FGF13: variants seen among roughly 807,000 people sequenced by gnomAD.
The protein encoded by FGF13 is fibroblast growth factor homologous factor 2.
A neutral mutation model predicts 19.5 loss-of-function variants in FGF13; 2 were observed. That is an observed-to-expected ratio of 0.10 (90% CI 0.04 to 0.32). The LOEUF is 0.32. FGF13 is among the 10% of genes least tolerant of loss of function. FGF13 has a pLI of 1.00. For synonymous variants in FGF13, 72 were observed against 76.9 expected (o/e 0.94, Z 0.33); for missense variants, 113 against 192.7 (o/e 0.59, Z 2.45).
At chrX:139,010,064 C>T (rs2092121451) in intron 1 of FGF13, among the ~76,000 whole-genome samples, 1 of 111,776 alleles carries the variant, frequency 8.9e-6, no homozygotes, top group African/African-American at 3.3e-5. Context: ...TAAAGAGGAA[C>T]ATTATATAAT....
intron 3 of FGF13, among the ~76,000 whole-genome samples, chrX:138,771,218 C>G (rs746526317): frequency 8.9e-6 from 1 of 111,831 alleles, no homozygotes; most frequent in Non-Finnish European, 1.9e-5. Context: ...CAGCTGATAA[C>G]CCATTCACCA....
chrX:138,993,328 C>T (rs753263941), intron 1 of FGF13, among the ~76,000 whole-genome samples: 2 of 111,559 alleles, frequency 1.8e-5, no homozygotes, highest in Non-Finnish European at 3.8e-5. Context: ...AATAATTATA[C>T]TATGGGAATA....
intron 3 of FGF13, chrX:138,806,351 G>A (rs1241153029): frequency 8.9e-6 from 1 of 111,790 alleles, no homozygotes; most frequent in Non-Finnish European, 1.9e-5. Context: ...TGCGTGCCAG[G>A]TGGCCCATCC....
At chrX:138,649,047 G>C (rs1200816630) in intron 3 of FGF13, among the ~76,000 whole-genome samples, 1 of 111,032 alleles carries the variant, frequency 9.0e-6, no homozygotes, top group Non-Finnish European at 1.9e-5. Flanking sequence ...ATAATCAAGG[G>C]GGCTAAAACT....
intron 1 of FGF13, among the ~76,000 whole-genome samples, chrX:138,913,624 G>C (rs1184116406): frequency 1.0e-5 from 1 of 97,484 alleles, no homozygotes; most frequent in African/African-American, 3.8e-5. Context: ...GAGGGAGGGA[G>C]GGAAGGAGGG....
At chrX:138,645,685 G>A (rs906279253) in intron 3 of FGF13, among the ~76,000 whole-genome samples, 3 of 111,991 alleles carry the variant, frequency 2.7e-5, no homozygotes, top group Non-Finnish European at 5.6e-5. Flanking sequence ...CTTGAAATTG[G>A]TATAAAAACT....
At chrX:138,965,861 G>A (rs1269826948) in intron 1 of FGF13, among the ~76,000 whole-genome samples, 4 of 111,759 alleles carry the variant, frequency 3.6e-5, no homozygotes, top group Admixed American at 2.8e-4. Flanking sequence ...GAGTGGTAAA[G>A]AAAATGTTTT....
chrX:138,759,797 T>A (rs988038116), intron 3 of FGF13, among the ~76,000 whole-genome samples: 10 of 112,125 alleles, frequency 8.9e-5, no homozygotes, highest in Non-Finnish European at 1.7e-4. Context: ...AACTTGGAGC[T>A]GTGTAGGCTT....
intron 1 of FGF13, among the ~76,000 whole-genome samples, chrX:139,067,792 A>C (rs1326844146): frequency 9.0e-6 from 1 of 111,462 alleles, no homozygotes. Context: ...ACTTTAGAGA[A>C]GTGTCTGTTC....
At chrX:138,877,240 A>G (rs1351038631) in intron 1 of FGF13, among the ~76,000 whole-genome samples, 1 of 110,529 alleles carries the variant, frequency 9.0e-6, no homozygotes. Context: ...TTTTTTTTTA[A>G]GAAGAAATGA....
intron 1 of FGF13, among the ~76,000 whole-genome samples, chrX:139,093,410 A>G (rs748677586): frequency 1.8e-5 from 2 of 112,265 alleles, no homozygotes; most frequent in African/African-American, 6.5e-5. Flanking sequence ...ACTTTGAAAC[A>G]TCTGCTATTG....
chrX:138,797,293 C>T (rs181691781), intron 3 of FGF13, among the ~76,000 whole-genome samples: 12 of 111,482 alleles, frequency 1.1e-4, no homozygotes, highest in East Asian at 2.8e-4. Flanking sequence ...GTTTTCCCAA[C>T]GCCATTTATT....
chrX:138,851,627 A>G (rs1461655382), intron 3 of FGF13, among the ~76,000 whole-genome samples: 1 of 112,039 alleles, frequency 8.9e-6, no homozygotes, highest in African/African-American at 3.2e-5. Context: ...AATGGGCAAA[A>G]GCTGGGGGCA....
chrX:138,908,359 G>A (rs1569421897), intron 1 of FGF13, among the ~76,000 whole-genome samples: 2 of 107,348 alleles, frequency 1.9e-5, no homozygotes, highest in African/African-American at 3.4e-5. Flanking sequence ...TTACAGGCGT[G>A]AGCCACCGTG....
intron 2 of FGF13, 126 bp from the exon 3 acceptor site, chrX:138,703,213 C>G: frequency 2.0e-6 from 1 of 508,846 alleles, no homozygotes; most frequent in Admixed American, 2.8e-5. Flanking sequence ...GCATATATGT[C>G]TGTTTATGTA....
At chrX:138,997,082 T>C (rs2092046532) in intron 1 of FGF13, among the ~76,000 whole-genome samples, 2 of 111,909 alleles carry the variant, frequency 1.8e-5, no homozygotes, top group Non-Finnish European at 3.8e-5. Context: ...GACCTGCAGC[T>C]GAGGAGCCTG....
intron 3 of FGF13, among the ~76,000 whole-genome samples, chrX:138,694,984 GAA>G (rs1841557451): frequency 1.4e-5 from 1 of 69,213 alleles, no homozygotes; most frequent in Non-Finnish European, 2.6e-5. Context: ...TTTACTAGTT[GAA>G]ACACACACAC....
intron 1 of FGF13, among the ~76,000 whole-genome samples, chrX:138,718,566 T>C (rs955370230): frequency 8.9e-6 from 1 of 111,881 alleles, no homozygotes; most frequent in African/African-American, 3.3e-5. Flanking sequence ...TGGCACTGTT[T>C]GCTCCAATTT....
intron 3 of FGF13, among the ~76,000 whole-genome samples, chrX:138,750,840 T>C (rs1243000223): frequency 9.0e-6 from 1 of 110,856 alleles, no homozygotes; most frequent in Non-Finnish European, 1.9e-5. Context: ...ATGGATGAGC[T>C]GCTCTAGGAA....
Sources: gnomAD v4.1 joint callset for allele counts (sites outside exome capture counted in the v4.1 genomes callset) on GRCh38, gnomAD v4.1.1 for gene constraint, MANE v1.5 for transcripts, NCBI Gene and HGNC (gene_info 2026-07-23, HGNC 2026-07-21) for gene names.